TNS3: variants seen among roughly 807,000 people sequenced by gnomAD.
TNS3 encodes tensin-3.
A neutral mutation model predicts 140.9 loss-of-function variants in TNS3; 45 were observed. The observed-to-expected ratio is 0.32, with a 90% confidence interval of 0.25 to 0.41. The LOEUF (loss-of-function observed/expected upper bound fraction) is 0.41, where lower values mean the gene tolerates loss of function less well. TNS3 is among the 10% of genes least tolerant of loss of function. TNS3 has a pLI of 1.00. For missense variants in TNS3, 1,716 were observed against 1,906.7 expected, an observed-to-expected ratio of 0.90 and a Z score of 1.86; for synonymous variants, 815 against 788.4, an observed-to-expected ratio of 1.03 and a Z score of -0.56.
intron 20 of TNS3, among the ~76,000 whole-genome samples, chr7:47,338,442 T>C (rs1370617690): frequency 6.6e-6 from 1 of 152,234 alleles, no homozygotes; most frequent in Non-Finnish European, 1.5e-5. Flanking sequence ...ATGTTGAGCA[T>C]CTTTTCACGT....
chr7:47,553,919 C>T (rs1268285518), intron 1 of TNS3, among the ~76,000 whole-genome samples: 1 of 151,992 alleles, frequency 6.6e-6, no homozygotes, highest in African/African-American at 2.4e-5. Flanking sequence ...ATTTTCCTGC[C>T]TCAGCCTCCC....
chr7:47,364,207 G>T (rs563705196), intron 17 of TNS3, among the ~76,000 whole-genome samples: 5 of 151,980 alleles, frequency 3.3e-5, no homozygotes, highest in African/African-American at 1.2e-4. Flanking sequence ...TTCTATACCT[G>T]CTAGTGAGGG....
intron 10 of TNS3, among the ~76,000 whole-genome samples, chr7:47,423,020 T>C (rs1165165226): frequency 6.6e-6 from 1 of 152,062 alleles, no homozygotes; most frequent in Admixed American, 6.6e-5. Context: ...CACACCCGGT[T>C]TCAAGAGAAA....
At chr7:47,305,374 C>T (rs1230896672) in intron 20 of TNS3, among the ~76,000 whole-genome samples, 1 of 152,252 alleles carries the variant, frequency 6.6e-6, no homozygotes, top group Non-Finnish European at 1.5e-5. Flanking sequence ...CTCTCCACTC[C>T]ATGATCTAGG....
rs995912707 is a variant in TNS3, at chr7:47,297,295, C to T, written c.3545-82G>A. 2.3e-5 allele frequency: 34 copies of T among 1,500,284 alleles called. No homozygotes were observed. In the African/African-American group the frequency reaches 3.7e-4, roughly 16 times the overall value. 92.9% of individuals were successfully genotyped at this position (1,500,284 alleles called of 1,614,324 possible). A position where few individuals can be genotyped will look rare whatever the true frequency, so the allele number is the denominator to read the frequency against. The stretch of plus-strand genomic sequence containing the variant: ...CCACTCATAACCTTGGGTAGGTCCT[C>T]TCCCCTTACTCTTTTTGCAAACTGG... On this transcript the variant is annotated intron_variant, in intron 23 of 30. Coordinates refer to ENST00000311160, the MANE Select transcript of TNS3 (RefSeq NM_022748.12).
At chr7:47,430,370 TC>T (rs1169423326) in intron 8 of TNS3, among the ~76,000 whole-genome samples, 1 of 151,928 alleles carries the variant, frequency 6.6e-6, no homozygotes, top group South Asian at 2.1e-4. Context: ...TGTCAGGTGA[TC>T]CCCCCGCCTC....
chr7:47,441,981 C>T (rs1275630887), intron 5 of TNS3, 22 bp downstream of exon 5: 4 of 1,289,284 alleles, frequency 3.1e-6, no homozygotes, highest in Non-Finnish European at 4.0e-6. Flanking sequence ...CACAGGAATG[C>T]ATGACCCACA....
At chr7:47,545,492 A>AGT (rs1799897635) in intron 1 of TNS3, among the ~76,000 whole-genome samples, 1 of 152,150 alleles carries the variant, frequency 6.6e-6, no homozygotes, top group East Asian at 1.9e-4. Flanking sequence ...GGCTCTAGGA[A>AGT]GTTTAACAAC....
At chr7:47,342,292 C>A (rs1425290765) in intron 20 of TNS3, among the ~76,000 whole-genome samples, 3 of 152,126 alleles carry the variant, frequency 2.0e-5, no homozygotes, top group Non-Finnish European at 4.4e-5. Context: ...TCTAATTCAC[C>A]CTCCGGGAAG....
In TNS3 at chr7:47,369,609, T is replaced by C; in HGVS notation, c.1037A>G (p.Gln346Arg). The change falls in exon 17 of 31, where the codon CAG becomes CGG. Residue 346 changes from glutamine to arginine, a missense_variant. This residue lies in a region of TNS3 where 1,163 missense variants were observed against 1,182.1 expected (regional missense o/e 0.98). Transcript: ENST00000311160. ...GTAAAGGCTGCCATCGACAGGGCCCTGCGTGTGTAGCACTGCGGGGGAGAA... is the reference window on the plus strand; with the variant it reads ...GTAAAGGCTGCCATCGACAGGGCCCCGCGTGTGTAGCACTGCGGGGGAGAA... ...LSADGEVLHT[Q>R]GPVDGSLYAK... 5 of 1,582,780 alleles carry C rather than the reference T, an allele frequency of 3.2e-6. No homozygotes were observed. Among genetic ancestry groups the C allele is most frequent in the Non-Finnish European group, 4.3e-6 (5 of 1,163,760 alleles).
intron 2 of TNS3, among the ~76,000 whole-genome samples, chr7:47,520,773 G>T (rs550592554): frequency 6.6e-6 from 1 of 152,184 alleles, no homozygotes; most frequent in Non-Finnish European, 1.5e-5. Context: ...AGATTCTGTC[G>T]TGTTGCCACC....
intron 4 of TNS3, among the ~76,000 whole-genome samples, chr7:47,451,098 C>T (rs997169087): frequency 1.3e-5 from 2 of 152,182 alleles, no homozygotes; most frequent in Non-Finnish European, 2.9e-5. Context: ...CATGTCATTG[C>T]ACTCCAGCCT....
Position 47,303,125 on chromosome 7 carries a change from C to T in TNS3, c.3282G>A (p.Gly1094=). 6.2e-7 allele frequency: 1 copy of T among 1,613,990 alleles called. No homozygotes were observed. The highest frequency in any genetic ancestry group is 8.5e-7 in the Non-Finnish European group (1 of 1,179,918). The change falls in exon 22 of 31, where the codon GGG becomes GGA. Residue 1094 remains glycine, a synonymous_variant. Transcript: ENST00000311160. ...GLQGQGVTLP[G]QPPLPEKKRA... ...GCTTCTTCTCAGGGAGGGGTGGCTG[C>T]CCGGGCAGGGTCACACCCTGGCCCT...
intron 22 of TNS3, among the ~76,000 whole-genome samples, chr7:47,302,522 T>C (rs746596512): frequency 4.6e-5 from 7 of 152,174 alleles, no homozygotes; most frequent in Non-Finnish European, 1.0e-4. Context: ...CATAGGAAGG[T>C]AGTGAGGAAA....
intron 20 of TNS3, among the ~76,000 whole-genome samples, chr7:47,329,334 C>T (rs1788203930): frequency 6.6e-6 from 1 of 152,196 alleles, no homozygotes; most frequent in African/African-American, 2.4e-5. Flanking sequence ...AGCAGGTCCC[C>T]GTTCCTCCTG....
At chr7:47,344,862 G>A (rs202046816) in intron 19 of TNS3, 24 bp from the exon 20 acceptor site, 1 of 1,613,732 alleles carries the variant, frequency 6.2e-7, no homozygotes, top group Non-Finnish European at 8.5e-7. Flanking sequence ...CAGAGCAAGG[G>A]GCTGTTGTCA....
chr7:47,499,688 G>C (rs1486329079), intron 3 of TNS3, among the ~76,000 whole-genome samples: 1 of 152,220 alleles, frequency 6.6e-6, no homozygotes, highest in Admixed American at 6.5e-5. Flanking sequence ...ACAGTGAAAA[G>C]GTCAGCGGCT....
At chr7:47,420,404 G>A (rs1344398727) in intron 10 of TNS3, among the ~76,000 whole-genome samples, 2 of 152,176 alleles carry the variant, frequency 1.3e-5, no homozygotes, top group Non-Finnish European at 2.9e-5. Flanking sequence ...AGGCTCCAGG[G>A]AGACACAACT....
intron 23 of TNS3, among the ~76,000 whole-genome samples, chr7:47,301,224 C>A (rs1011548896): frequency 1.3e-5 from 2 of 152,204 alleles, no homozygotes; most frequent in African/African-American, 2.4e-5. Flanking sequence ...CCCTCTTTCA[C>A]TCCAGCCTCC....
Sources: allele counts gnomAD v4.1 joint callset (sites outside exome capture counted in the v4.1 genomes callset), GRCh38; gene constraint gnomAD v4.1.1; regional missense constraint gnomAD v4.1.1; transcripts MANE v1.5; gene names NCBI Gene and HGNC (gene_info 2026-07-23, HGNC 2026-07-21).